The following SHC4 variants were observed in gnomAD, a reference collection of about 807,000 sequenced individuals.
SHC4 encodes the protein SHC adaptor protein 4.
Under a neutral mutation model 69.4 loss-of-function variants are expected in SHC4, and 41 were observed. The ratio of observed to expected loss-of-function variants is 0.59; its 90% CI spans 0.46 to 0.77. The LOEUF is 0.77. SHC4 is among the 30% of genes least tolerant of loss of function. The pLI, the probability that SHC4 is intolerant of heterozygous loss-of-function variation, is 0.00. For missense variants in SHC4, 777 were observed against 783.8 expected (o/e 0.99, Z 0.10); for synonymous variants, 318 against 299.3 (o/e 1.06, Z -0.64).
intron 2 of SHC4, among the ~76,000 whole-genome samples, chr15:48,912,915 T>C (rs867869502): frequency 1.2e-4 from 18 of 151,768 alleles, no homozygotes; most frequent in Admixed American, 9.2e-4. Flanking sequence ...CTGGGGGTCG[T>C]CTGCACAGAG....
chr15:48,840,914 A>T (rs1281402292), intron 10 of SHC4, among the ~76,000 whole-genome samples: 1 of 152,202 alleles, frequency 6.6e-6, no homozygotes, highest in Non-Finnish European at 1.5e-5. Flanking sequence ...AGGGAAAGGG[A>T]GAAAGGTGAG....
chr15:48,956,894 C>G (rs982574386), intron 1 of SHC4, among the ~76,000 whole-genome samples: 5 of 151,830 alleles, frequency 3.3e-5, no homozygotes, highest in Admixed American at 3.3e-4. Context: ...GAAAGAAGAC[C>G]TGGAGTCTCA....
At chr15:48,917,282 TG>T (rs1900643209) in intron 2 of SHC4, among the ~76,000 whole-genome samples, 1 of 150,292 alleles carries the variant, frequency 6.7e-6, no homozygotes, top group Admixed American at 6.6e-5. Context: ...TGTGTGTGTG[TG>T]TGTGTGTGTC....
chr15:48,924,941 G>A lies in SHC4; in HGVS notation c.594C>T (p.Gly198=). 6.2e-7 allele frequency: 1 copy of A among 1,613,842 alleles called. No individual in the cohort carries two copies. Among genetic ancestry groups the A allele is most frequent in the Non-Finnish European group, 8.5e-7 (1 of 1,179,950 alleles). The part of the protein sequence containing the change: ...MGMNYCVRYM[G]CVEVLQSMRS... The stretch of plus-strand genomic sequence containing the variant: ...TCATTGATTGCAGCACTTCAACACA[G>A]CCCATGTACTACAATAAGAAGAAAA... The change falls in exon 2 of 12, where the codon GGC becomes GGT. Residue 198 remains glycine (G), a synonymous_variant. Transcript: ENST00000332408.
chr15:48,909,491 C>T (rs918170551), intron 2 of SHC4, among the ~76,000 whole-genome samples: 10 of 152,108 alleles, frequency 6.6e-5, no homozygotes, highest in Admixed American at 3.9e-4. Context: ...TATCTCATAT[C>T]GTCAGCAAGC....
At position 48,873,882 on chromosome 15, in the gene SHC4, T is replaced by A. The variant is rs542192150; in HGVS notation, c.841-1740A>T. On this transcript the variant is annotated intron_variant, in intron 4 of 11. Transcript: ENST00000332408. Reference sequence around the variant, plus strand: ...TTCACTGAAGAGTATAAATAAGATCTGAACAAGTAGAAAGATATATATCAC... The same window carrying A: ...TTCACTGAAGAGTATAAATAAGATCAGAACAAGTAGAAAGATATATATCAC... Among the ~76,000 whole-genome samples, 4 of 152,306 alleles carry A rather than the reference T, an allele frequency of 2.6e-5. No homozygotes were observed. The South Asian group carries it at 8.3e-4, about 32-fold the overall frequency.
chr15:48,874,601 C>G (rs577642199), intron 4 of SHC4, among the ~76,000 whole-genome samples: 1 of 152,194 alleles, frequency 6.6e-6, no homozygotes, highest in Non-Finnish European at 1.5e-5. Context: ...TTATGAGAAT[C>G]TAATGCTTGA....
intron 2 of SHC4, among the ~76,000 whole-genome samples, chr15:48,899,253 G>A (rs1007533508): frequency 1.3e-5 from 2 of 152,124 alleles, no homozygotes; most frequent in African/African-American, 4.8e-5. Context: ...GATCACTTGA[G>A]GTCAAGAGTT....
At chr15:48,959,187 A>C (rs1901499090) in intron 1 of SHC4, among the ~76,000 whole-genome samples, 1 of 152,172 alleles carries the variant, frequency 6.6e-6, no homozygotes, top group African/African-American at 2.4e-5. Context: ...TAACAATCCC[A>C]CTTTTTACCC....
At chr15:48,873,336 A>C (rs944054100) in intron 4 of SHC4, among the ~76,000 whole-genome samples, 1 of 152,256 alleles carries the variant, frequency 6.6e-6, no homozygotes, top group Non-Finnish European at 1.5e-5. Flanking sequence ...AATATTGGTT[A>C]TACAACTGTT....
intron 9 of SHC4, among the ~76,000 whole-genome samples, chr15:48,848,388 G>A (rs1056050601): frequency 6.6e-6 from 1 of 152,116 alleles, no homozygotes. Context: ...TCAAGATTCC[G>A]AAGTTCCCAG....
rs912114960 is a variant in SHC4 at position 48,856,238 on chromosome 15, C to G, written c.1071-114G>C. Reference sequence around the variant, plus strand: ...CTGAAAAACTTTGCATTCATGTTTTCAGTTTATAGCTGTGCTTAAGTGATG... The same window carrying G: ...CTGAAAAACTTTGCATTCATGTTTTGAGTTTATAGCTGTGCTTAAGTGATG... On this transcript the variant is annotated intron_variant, in intron 7 of 11. Coordinates refer to ENST00000332408, the MANE Select transcript of SHC4 (RefSeq NM_203349.4). The G allele has an allele frequency of 5.1e-6, 5 of 971,196 alleles. No individual in the cohort carries two copies. The African/African-American group carries it at 8.2e-5, about 16-fold the overall frequency. The allele number at this position is 971,196 out of a possible 1,614,324, so 60.2% of individuals were successfully genotyped here. A position where few individuals can be genotyped will look rare whatever the true frequency, so the allele number is the denominator to read the frequency against.
At chr15:48,940,207 T>C (rs1373773742) in intron 1 of SHC4, among the ~76,000 whole-genome samples, 1 of 152,188 alleles carries the variant, frequency 6.6e-6, no homozygotes, top group Admixed American at 6.5e-5. Context: ...CAATTATATT[T>C]TGTATTCTTG....
intron 2 of SHC4, among the ~76,000 whole-genome samples, chr15:48,902,010 T>G (rs893882068): frequency 6.6e-6 from 1 of 152,230 alleles, no homozygotes; most frequent in East Asian, 1.9e-4. Context: ...GAGAGCAGAC[T>G]GTGCAACATG....
At chr15:48,853,126 A>G (rs1346365417) in intron 8 of SHC4, among the ~76,000 whole-genome samples, 1 of 151,990 alleles carries the variant, frequency 6.6e-6, no homozygotes, top group African/African-American at 2.4e-5. Flanking sequence ...ATAAACTTCA[A>G]TAAAGTTTCG....
At chr15:48,938,272 A>G (rs1279975832) in intron 1 of SHC4, 1 of 152,236 alleles carries the variant, frequency 6.6e-6, no homozygotes, top group Non-Finnish European at 1.5e-5. Flanking sequence ...AAGTATTAAT[A>G]CATTCAGAAG....
chr15:48,845,874 T>C (rs991736637), intron 9 of SHC4, among the ~76,000 whole-genome samples: 1 of 152,240 alleles, frequency 6.6e-6, no homozygotes, highest in African/African-American at 2.4e-5. Flanking sequence ...GATACATGCA[T>C]ATTAATATAT....
At chr15:48,853,968 T>C (rs1416463461) in intron 8 of SHC4, among the ~76,000 whole-genome samples, 1 of 151,954 alleles carries the variant, frequency 6.6e-6, no homozygotes, top group Non-Finnish European at 1.5e-5. Context: ...AAAATAAAAA[T>C]GGACAAATGG....
intron 2 of SHC4, among the ~76,000 whole-genome samples, chr15:48,920,738 A>C (rs964211890): frequency 3.9e-5 from 6 of 152,176 alleles, no homozygotes; most frequent in Non-Finnish European, 8.8e-5. Flanking sequence ...TCCTTTGGAA[A>C]TATAATCAAG....
Sources: allele counts gnomAD v4.1 joint callset (sites outside exome capture counted in the v4.1 genomes callset), GRCh38; gene constraint gnomAD v4.1.1; transcripts MANE v1.5; gene names NCBI Gene and HGNC (gene_info 2026-07-23, HGNC 2026-07-21).